The following TMOD4 variants were observed in gnomAD, a reference collection of about 807,000 sequenced individuals.
TMOD4 encodes tropomodulin-4.
A neutral mutation model predicts 45.4 loss-of-function variants in TMOD4; 34 were observed. The ratio of observed to expected loss-of-function variants is 0.75; its 90% CI spans 0.57 to 1.00. The LOEUF is 1.00. Among genes scored for constraint, TMOD4 ranks in the 50% least tolerant of loss-of-function variants. The pLI, the probability that TMOD4 is intolerant of heterozygous loss-of-function variation, is 0.00. For synonymous variants in TMOD4, 131 were observed against 153.9 expected (o/e 0.85, Z 1.10); for missense variants, 399 against 437.5 (o/e 0.91, Z 0.78).
chr1:151,173,561 A>G lies in TMOD4; in HGVS notation c.335T>C (p.Leu112Pro), dbSNP rs202163450. ...REIPAEEQIT[L>P]EPELEEALAH... The stretch of plus-strand genomic sequence containing the variant: ...CAGTGCCTCCTCCAGCTCAGGCTCC[A>G]GGGTGATCTGCTCCTCTGCTGGGAT... The change falls in exon 4 of 10, where the codon CTG becomes CCG. Residue 112 changes from leucine (L) to proline (P), a missense_variant. Coordinates refer to ENST00000295314, the MANE Select transcript of TMOD4 (RefSeq NM_013353.3). 1.2e-6 allele frequency: 2 copies of G among 1,614,190 alleles called. No individual in the cohort carries two copies. The highest frequency in any genetic ancestry group is 1.7e-6 in the Non-Finnish European group (2 of 1,180,030).
At position 151,171,111 on chromosome 1, in the gene TMOD4, G is replaced by A. The variant is rs376774765; in HGVS notation, c.727-48C>T. The A allele has an allele frequency of 6.3e-6, 10 of 1,594,494 alleles. No individual in the cohort carries two copies. The South Asian group carries it at 1.0e-4, about 16-fold the overall frequency. On this transcript the variant is annotated intron_variant, in intron 7 of 9. Coordinates refer to ENST00000295314, the MANE Select transcript of TMOD4 (RefSeq NM_013353.3). Reference sequence around the variant, plus strand: ...AGGATTAGGGAACAGTTTCACAGATGACTGAGGAAAGAAAGAACAGGAGCA... The same window carrying A: ...AGGATTAGGGAACAGTTTCACAGATAACTGAGGAAAGAAAGAACAGGAGCA...
intron 4 of TMOD4, 148 bp from the exon 5 acceptor site, chr1:151,172,505 G>T (rs776715471): frequency 1.5e-4 from 93 of 617,180 alleles, no homozygotes; most frequent in Non-Finnish European, 2.0e-4. Context: ...CAGCCCCAGG[G>T]GTCCTTTCCA....
chr1:151,170,292 A>G, intron 9 of TMOD4, 189 bp from the exon 10 acceptor site: 1 of 844,510 alleles, frequency 1.2e-6, no homozygotes, highest in Admixed American at 2.7e-5. Flanking sequence ...GATACCTCTA[A>G]ACAAGTATGA....
chr1:151,171,958 T>C (rs1467814414), intron 5 of TMOD4, among the ~76,000 whole-genome samples, 195 bp from the exon 6 acceptor site: 1 of 152,024 alleles, frequency 6.6e-6, no homozygotes, highest in Non-Finnish European at 1.5e-5. Context: ...TGCCTCTGCT[T>C]CCCAAGTATA....
At chr1:151,174,272 G>A in intron 3 of TMOD4, 119 bp downstream of exon 3, 1 of 1,049,872 alleles carries the variant, frequency 9.5e-7, no homozygotes, top group South Asian at 1.5e-5. Context: ...AAGTGTCAGG[G>A]CATCTGAGTC....
intron 1 of TMOD4, 156 bp from the exon 2 acceptor site, chr1:151,175,073 T>C: frequency 1.6e-6 from 1 of 617,940 alleles, no homozygotes; most frequent in South Asian, 2.0e-5. Flanking sequence ...TTAGGTTGTT[T>C]AGAGTTAGAA....
chr1:151,171,796 A>G, intron 5 of TMOD4, 33 bp from the exon 6 acceptor site: 3 of 1,598,982 alleles, frequency 1.9e-6, no homozygotes, highest in South Asian at 1.1e-5. Flanking sequence ...GAACCCCAAC[A>G]TGTTCCCCAT....
At position 151,174,934 on chromosome 1, in the gene TMOD4, A is replaced by G; in HGVS notation, c.-42-17T>C. On this transcript the variant is annotated splice_polypyrimidine_tract_variant and intron_variant, in intron 1 of 9. Transcript: ENST00000295314. ...TCACAGAGCCTGGGCAACATGGGAC[A>G]AAAGGATGGACAATGGTAAGATGGA... The G allele has an allele frequency of 1.2e-6, 2 of 1,607,230 alleles. No individual in the cohort carries two copies. Among genetic ancestry groups the G allele is most frequent in the South Asian group, 2.2e-5 (2 of 90,624 alleles).
Position 151,171,722 on chromosome 1 carries a change from G to T in TMOD4, c.529C>A (p.Pro177Thr), listed in dbSNP as rs772792859. 1.2e-6 allele frequency: 2 copies of T among 1,614,034 alleles called. No individual in the cohort carries two copies. Among genetic ancestry groups the T allele is most frequent in the Admixed American group, 1.7e-5 (1 of 60,000 alleles). ...TCCTCAATGTTTGTGGGATTTGGGG[G>T]TTCATCCGGCACTGGCTTATACTTG... The part of the protein sequence containing the change: ...PDKYKPVPDE[P>T]PNPTNIEEIL... Residue 177 changes from proline to threonine, a missense_variant, in exon 6 of 10, where the codon CCC (proline) becomes ACC (threonine). Coordinates refer to ENST00000295314, the MANE Select transcript of TMOD4 (RefSeq NM_013353.3).
Position 151,172,246 on chromosome 1 carries a change from C to T in TMOD4, c.487+22G>A, listed in dbSNP as rs750242844. The T allele has an allele frequency of 9.4e-6, 15 of 1,598,818 alleles. No individual in the cohort carries two copies. In the East Asian group the frequency reaches 3.3e-4, roughly 36 times the overall value. On this transcript the variant is annotated intron_variant, in intron 5 of 9. Coordinates refer to ENST00000295314, the MANE Select transcript of TMOD4 (RefSeq NM_013353.3). The stretch of plus-strand genomic sequence containing the variant: ...ACTGCCTGCCCAGAGCCCTGGGGAC[C>T]ATGCTCCCCAAACACACTCACTGCT...
At chr1:151,171,390 T>C (rs1219106752) in intron 7 of TMOD4, 43 bp downstream of exon 7, 1 of 1,537,152 alleles carries the variant, frequency 6.5e-7, no homozygotes, top group Admixed American at 1.7e-5. Context: ...AACAGGTGCA[T>C]GTAAGATGTG....
rs775984573 is a variant in TMOD4 at position 151,174,796 on chromosome 1, T to A, written c.80A>T (p.Glu27Val). The change falls in exon 2 of 10, where the codon GAG (glutamate) becomes GTG (valine). Residue 27 changes from glutamate to valine, a missense_variant. Glu to Val is a moderately radical substitution (Grantham distance 121, BLOSUM62 -2). Coordinates refer to ENST00000295314, the MANE Select transcript of TMOD4 (RefSeq NM_013353.3). ...DEILRTLSPE[E>V]LEQLDCELQE... is the part of the protein sequence containing the mutation. ...TAGTTCGCAGTCCAGCTGCTCTAGC[T>A]CCTCGGGGCTCAAGGTCCTTAGGAT... 1 of 1,614,156 alleles carries A rather than the reference T, an allele frequency of 6.2e-7. No individual in the cohort carries two copies. Among genetic ancestry groups the A allele is most frequent in the East Asian group, 2.2e-5 (1 of 44,890 alleles).
At position 151,170,011 on chromosome 1, in the gene TMOD4, G is replaced by A; in HGVS notation, c.*70C>T. On this transcript the variant is annotated 3_prime_UTR_variant, in exon 10 of 10. Coordinates refer to ENST00000295314, the MANE Select transcript of TMOD4 (RefSeq NM_013353.3). ...ATGGATAGAAGGGCTTTTATTTACA[G>A]GAAAGGAGGACAGATGAGGATTTAA... 6.3e-7 allele frequency: 1 copy of A among 1,579,264 alleles called. No homozygotes were observed. The highest frequency in any genetic ancestry group is 8.7e-7 in the Non-Finnish European group (1 of 1,149,014).
rs1558208282 is a variant in TMOD4 at position 151,170,634 on chromosome 1, C to T, written c.900G>A (p.Met300Ile). Residue 300 changes from methionine to isoleucine, a missense_variant, in exon 9 of 10, where the codon ATG (methionine) becomes ATA (isoleucine). Coordinates refer to ENST00000295314, the MANE Select transcript of TMOD4 (RefSeq NM_013353.3). ...ACTGCTCTAGCACGGTGGCCATCTC[C>T]ATCTCCACTGCATCACCAGGCCACT... ...QRQWPGDAVEMEMATVLEQCP... is the reference protein window; with the variant it reads ...QRQWPGDAVEIEMATVLEQCP... 1 of 1,614,040 alleles carries T rather than the reference C, an allele frequency of 6.2e-7. No homozygotes were observed. The highest frequency in any genetic ancestry group is 8.5e-7 in the Non-Finnish European group (1 of 1,180,050).
rs779446454 is a variant in TMOD4 at position 151,172,435 on chromosome 1, C to T, written c.398-78G>A. 298 of 1,192,758 alleles carry T rather than the reference C, an allele frequency of 2.5e-4. 2 individuals carry two copies. The highest frequency in any genetic ancestry group is 3.4e-4 in the Non-Finnish European group (276 of 811,758). 73.9% of individuals were successfully genotyped at this position (1,192,758 alleles called of 1,614,324 possible). A position where few individuals can be genotyped will look rare whatever the true frequency, so the allele number is the denominator to read the frequency against. ...GCCTCCCTCCTACCTATTTCTGAAT[C>T]TGTTGCATTTGTAAAGCCTGACCAC... On this transcript the variant is annotated intron_variant, in intron 4 of 9. Coordinates refer to ENST00000295314, the MANE Select transcript of TMOD4 (RefSeq NM_013353.3).
At chr1:151,172,685 TG>T (rs1436838774) in intron 4 of TMOD4, among the ~76,000 whole-genome samples, 2 of 152,080 alleles carry the variant, frequency 1.3e-5, no homozygotes, top group African/African-American at 2.4e-5. Context: ...CAGGCTGGAG[TG>T]CAGTGGTGCG....
intron 5 of TMOD4, 115 bp downstream of exon 5, chr1:151,172,153 A>G: frequency 1.2e-6 from 1 of 859,996 alleles, no homozygotes; most frequent in South Asian, 1.6e-5. Flanking sequence ...TTTTCTTATC[A>G]CTCATGCAGC....
rs1320765970 is a variant in TMOD4 at position 151,172,688 on chromosome 1, A to G, written c.398-331T>C. On this transcript the variant is annotated intron_variant, in intron 4 of 9. Coordinates refer to ENST00000295314, the MANE Select transcript of TMOD4 (RefSeq NM_013353.3). ...CACTCTGTCCCCCAGGCTGGAGTGC[A>G]GTGGTGCGATCTTGGCTCACTGCCA... Among the ~76,000 whole-genome samples, 5 of 151,802 alleles carry G rather than the reference A, an allele frequency of 3.3e-5. No individual in the cohort carries two copies. The East Asian group carries it at 9.7e-4, about 29-fold the overall frequency.
Position 151,174,383 on chromosome 1 carries a change from C to T in TMOD4, c.280+8G>A. On this transcript the variant is annotated splice_region_variant and intron_variant, in intron 3 of 9. Coordinates refer to ENST00000295314, the MANE Select transcript of TMOD4 (RefSeq NM_013353.3). Reference sequence around the variant, plus strand: ...TTCTACGAGGCATGGATGTCAGGGTCCCCATACCCTTCTTCTCGCCTGTGA... The same window carrying T: ...TTCTACGAGGCATGGATGTCAGGGTTCCCATACCCTTCTTCTCGCCTGTGA... 6.2e-7 allele frequency: 1 copy of T among 1,613,692 alleles called. No homozygotes were observed. The highest frequency in any genetic ancestry group is 8.5e-7 in the Non-Finnish European group (1 of 1,179,708).
Sources: gnomAD v4.1 joint callset for allele counts (sites outside exome capture counted in the v4.1 genomes callset) on GRCh38, gnomAD v4.1.1 for gene constraint, MANE v1.5 for transcripts, NCBI Gene and HGNC (gene_info 2026-07-23, HGNC 2026-07-21) for gene names.